PHF21A: variants seen among roughly 807,000 people sequenced by gnomAD.
The protein encoded by PHF21A is BHC80a.
In PHF21A, 11 loss-of-function variants were observed where a neutral mutation model predicts 82.5. The ratio of observed to expected loss-of-function variants is 0.13; its 90% CI spans 0.08 to 0.22. The LOEUF is 0.22. PHF21A is among the 10% of genes least tolerant of loss of function. PHF21A has a pLI of 1.00. For synonymous variants in PHF21A, 297 were observed against 302.8 expected (o/e 0.98, Z 0.20); for missense variants, 579 against 837.8 (o/e 0.69, Z 3.81).
chr11:46,077,234 A>G (rs932377064), intron 5 of PHF21A, among the ~76,000 whole-genome samples: 2 of 152,254 alleles, frequency 1.3e-5, no homozygotes, highest in Admixed American at 6.5e-5. Flanking sequence ...CAACAAAGAT[A>G]AGAGGTTTTC....
intron 1 of PHF21A, among the ~76,000 whole-genome samples, chr11:46,097,946 T>C (rs1323687368): frequency 6.6e-6 from 1 of 152,154 alleles, no homozygotes. Context: ...CCCTTAAAGA[T>C]ATTGAATATA....
At chr11:46,086,932 T>A (rs1016822246) in intron 3 of PHF21A, among the ~76,000 whole-genome samples, 5 of 151,992 alleles carry the variant, frequency 3.3e-5, no homozygotes, top group African/African-American at 1.2e-4. Context: ...ACAGAAGAAA[T>A]AAGAATGACC....
At chr11:46,109,219 A>G (rs548249525) in intron 1 of PHF21A, among the ~76,000 whole-genome samples, 7 of 152,354 alleles carry the variant, frequency 4.6e-5, no homozygotes, top group African/African-American at 1.4e-4. Context: ...ATGTGATCCG[A>G]GGGAAACCTC....
chr11:46,023,287 G>A (rs546208826), intron 6 of PHF21A, among the ~76,000 whole-genome samples: 1 of 152,298 alleles, frequency 6.6e-6, no homozygotes, highest in Admixed American at 6.5e-5. Context: ...GACAGCTGAT[G>A]GCTAATTACT....
At chr11:46,113,354 G>A (rs71491889) in intron 1 of PHF21A, among the ~76,000 whole-genome samples, 4,261 of 151,830 alleles carry the variant, frequency 0.028, 106 homozygotes, top group Non-Finnish European at 0.039. Flanking sequence ...AGCACATACC[G>A]GAAAAAGTAT....
At chr11:46,066,727 T>G (rs1339980811) in intron 6 of PHF21A, among the ~76,000 whole-genome samples, 1 of 151,958 alleles carries the variant, frequency 6.6e-6, no homozygotes, top group Non-Finnish European at 1.5e-5. Flanking sequence ...AAAATAAAAA[T>G]AAATAAATTT....
intron 6 of PHF21A, among the ~76,000 whole-genome samples, chr11:45,991,541 A>G (rs1301701798): frequency 1.3e-5 from 2 of 152,166 alleles, no homozygotes; most frequent in Non-Finnish European, 2.9e-5. Context: ...CCTGTAATAC[A>G]GCTGCAGTAA....
intron 6 of PHF21A, among the ~76,000 whole-genome samples, chr11:46,020,182 T>C (rs1360620170): frequency 1.3e-5 from 2 of 152,342 alleles, no homozygotes; most frequent in East Asian, 3.9e-4. Context: ...ATTTGATCCC[T>C]ACTTTGTGGC....
chr11:45,997,657 C>T (rs1024972341), intron 6 of PHF21A, among the ~76,000 whole-genome samples: 5 of 152,170 alleles, frequency 3.3e-5, no homozygotes, highest in Non-Finnish European at 7.3e-5. Flanking sequence ...AATTAAAATT[C>T]CACTCTCTAT....
intron 7 of PHF21A, among the ~76,000 whole-genome samples, chr11:45,977,011 G>C (rs537612570): frequency 3.3e-5 from 5 of 152,304 alleles, no homozygotes; most frequent in African/African-American, 1.2e-4. Context: ...TGGGCTACTG[G>C]ATGGAGAGGT....
chr11:45,984,086 G>A (rs1448021173), intron 6 of PHF21A, among the ~76,000 whole-genome samples: 1 of 152,040 alleles, frequency 6.6e-6, no homozygotes, highest in South Asian at 2.1e-4. Context: ...GAAGCTTTGA[G>A]AAAGGGCTAA....
intron 6 of PHF21A, among the ~76,000 whole-genome samples, chr11:46,065,326 T>C (rs1401794646): frequency 6.6e-6 from 1 of 152,128 alleles, no homozygotes; most frequent in Non-Finnish European, 1.5e-5. Flanking sequence ...TAAAAAGAGA[T>C]ATTTAATAAG....
At chr11:45,965,280 C>T (rs1157679660) in intron 10 of PHF21A, 35 bp downstream of exon 10, 1 of 1,598,038 alleles carries the variant, frequency 6.3e-7, no homozygotes, top group Non-Finnish European at 8.6e-7. Flanking sequence ...AACGACAAGG[C>T]TACTGCCCAG....
intron 6 of PHF21A, among the ~76,000 whole-genome samples, chr11:46,040,378 A>G (rs1179769207): frequency 6.6e-6 from 1 of 152,242 alleles, no homozygotes; most frequent in Non-Finnish European, 1.5e-5. Flanking sequence ...CACAGACAAT[A>G]AAAGTTTTTT....
At chr11:46,071,288 A>G (rs931407167) in intron 6 of PHF21A, among the ~76,000 whole-genome samples, 7 of 152,214 alleles carry the variant, frequency 4.6e-5, no homozygotes, top group Non-Finnish European at 1.0e-4. Flanking sequence ...CCTTCATGCA[A>G]GGCCTCAGAA....
chr11:46,068,608 T>C (rs1003920030), intron 6 of PHF21A, among the ~76,000 whole-genome samples: 2 of 152,064 alleles, frequency 1.3e-5, no homozygotes, highest in African/African-American at 4.8e-5. Context: ...ACTTGGCCTT[T>C]GATTTGATAT....
intron 6 of PHF21A, among the ~76,000 whole-genome samples, chr11:46,022,584 C>A (rs2095652565): frequency 6.6e-6 from 1 of 152,220 alleles, no homozygotes; most frequent in African/African-American, 2.4e-5. Flanking sequence ...GCCTCAGTCT[C>A]CCAAGCAGCT....
chr11:46,107,016 C>T (rs2097159608), intron 1 of PHF21A, among the ~76,000 whole-genome samples: 1 of 152,208 alleles, frequency 6.6e-6, no homozygotes, highest in African/African-American at 2.4e-5. Context: ...CCAGCTGTCC[C>T]CACGGCTGCC....
intron 1 of PHF21A, among the ~76,000 whole-genome samples, chr11:46,104,623 C>T (rs1056933360): frequency 1.2e-4 from 19 of 152,250 alleles, no homozygotes; most frequent in African/African-American, 4.3e-4. Flanking sequence ...CTAAATTGTT[C>T]CAAATTTACT....
Sources: gnomAD v4.1 joint callset for allele counts (sites outside exome capture counted in the v4.1 genomes callset) on GRCh38, gnomAD v4.1.1 for gene constraint, MANE v1.5 for transcripts, NCBI Gene and HGNC (gene_info 2026-07-23, HGNC 2026-07-21) for gene names.